ADARB2: variants seen among roughly 807,000 people sequenced by gnomAD.
ADARB2 encodes inactive double-stranded RNA-specific editase B2.
ADARB2 carries 25 observed loss-of-function variants against 62.2 expected under a neutral mutation model. The observed-to-expected ratio is 0.40, with a 90% confidence interval of 0.29 to 0.56. ADARB2 has a LOEUF of 0.56. Among genes scored for constraint, ADARB2 ranks in the 20% least tolerant of loss-of-function variants. The probability of loss-of-function intolerance (pLI) is 0.43; values close to 1 mark genes in which losing one functional copy is unlikely to be tolerated. For missense variants in ADARB2, 1,071 were observed against 1,077.4 expected, an observed-to-expected ratio of 0.99 and a Z score of 0.08; for synonymous variants, 572 against 500.8, an observed-to-expected ratio of 1.14 and a Z score of -1.90.
chr10:1,510,118 T>C (rs7095962), intron 1 of ADARB2, among the ~76,000 whole-genome samples: 3,289 of 64,742 alleles, frequency 0.051, 63 homozygotes, highest in Non-Finnish European at 0.057. Flanking sequence ...CTCTCTTTCT[T>C]TCTTTCTTTC....
Position 1,298,192 on chromosome 10 carries a change from G to A in ADARB2, c.1078-27123C>T, listed in dbSNP as rs547746945. ...AAACGGACAGAGATCTGTCATTCCG[G>A]GAGACTAAAATGTAGGGAGTAGATG... is the stretch of plus-strand genomic sequence containing the variant. On this transcript the variant is annotated intron_variant, in intron 3 of 9. Coordinates refer to ENST00000381312, the MANE Select transcript of ADARB2 (RefSeq NM_018702.4). 3.4e-4 allele frequency among the ~76,000 whole-genome samples: 51 copies of A among 152,192 alleles called. No individual in the cohort carries two copies. The East Asian group carries it at 3.7e-3, about 11-fold the overall frequency.
chr10:1,620,076 A>G (rs1246532265), intron 1 of ADARB2, among the ~76,000 whole-genome samples: 5 of 152,160 alleles, frequency 3.3e-5, no homozygotes, highest in African/African-American at 1.2e-4. Flanking sequence ...TTAAACACCT[A>G]TATCAGAAAG....
At chr10:1,202,468 C>T (rs757644499) in intron 7 of ADARB2, among the ~76,000 whole-genome samples, 10 of 152,174 alleles carry the variant, frequency 6.6e-5, no homozygotes, top group East Asian at 1.9e-4. Context: ...TGTGAGTCAC[C>T]GTGTCCGGCC....
chr10:1,549,775 C>T (rs894887823), intron 1 of ADARB2, among the ~76,000 whole-genome samples: 11 of 152,140 alleles, frequency 7.2e-5, no homozygotes, highest in Admixed American at 2.6e-4. Flanking sequence ...CGGGACAACC[C>T]GATCCCTGTT....
In ADARB2 at chr10:1,200,137, G is replaced by T. The variant is rs1271193637; in HGVS notation, c.1693C>A (p.Leu565Met). 3 of 1,550,532 alleles carry T rather than the reference G, an allele frequency of 1.9e-6. No individual in the cohort carries two copies. Among genetic ancestry groups the T allele is most frequent in the Admixed American group, 3.9e-5 (2 of 51,054 alleles). Reference protein sequence around the residue: ...CTDKIARWNVLGLQGALLSHF... With the variant: ...CTDKIARWNVMGLQGALLSHF... Reference sequence around the variant, plus strand: ...GACAGGAGCGCGCCCTGCAGCCCCAGGACGTTCCACCTGTGGGGAGAGCCA... The same window carrying T: ...GACAGGAGCGCGCCCTGCAGCCCCATGACGTTCCACCTGTGGGGAGAGCCA... The change falls in exon 8 of 10, where the codon CTG (leucine) becomes ATG (methionine). Residue 565 changes from leucine to methionine, a missense_variant. Transcript: ENST00000381312.
chr10:1,274,403 A>T (rs1392794442), intron 3 of ADARB2, among the ~76,000 whole-genome samples: 1 of 152,216 alleles, frequency 6.6e-6, no homozygotes, highest in Non-Finnish European at 1.5e-5. Context: ...GGTGCCAGGC[A>T]TCTGATTCCA....
At chr10:1,471,721 G>T (rs1831325064) in intron 1 of ADARB2, among the ~76,000 whole-genome samples, 2 of 152,204 alleles carry the variant, frequency 1.3e-5, no homozygotes, top group Non-Finnish European at 2.9e-5. Context: ...ACTTTATGTT[G>T]CTTAGTTGCT....
chr10:1,584,163 C>T (rs751345029), intron 1 of ADARB2, among the ~76,000 whole-genome samples: 8 of 152,016 alleles, frequency 5.3e-5, no homozygotes, highest in South Asian at 2.1e-4. Context: ...AACTTGTGCA[C>T]GGTAGAACCC....
At chr10:1,313,080 T>G (rs1012205974) in intron 3 of ADARB2, among the ~76,000 whole-genome samples, 1 of 152,162 alleles carries the variant, frequency 6.6e-6, no homozygotes, top group Non-Finnish European at 1.5e-5. Context: ...CGTTCATCCA[T>G]TCCTCAACAA....
rs538330074 is a variant in ADARB2, at chr10:1,531,283, T to A, written c.101-152123A>T. 8.4e-4 allele frequency among the ~76,000 whole-genome samples: 128 copies of A among 152,288 alleles called. 2 individuals are homozygous for A. In the South Asian group the frequency reaches 0.026, roughly 30 times the overall value. On this transcript the variant is annotated intron_variant, in intron 1 of 9. Transcript: ENST00000381312. ...AGGATCATTTCACAAGTCGATCCCA[T>A]CAGGACAAAGCGAGTGTGCAGGCTG...
At chr10:1,403,447 A>G (rs1375093294) in intron 1 of ADARB2, among the ~76,000 whole-genome samples, 3 of 152,146 alleles carry the variant, frequency 2.0e-5, no homozygotes, top group African/African-American at 7.2e-5. Flanking sequence ...GCTCCTTGAA[A>G]TTATATATAC....
intron 5 of ADARB2, among the ~76,000 whole-genome samples, 165 bp from the exon 6 acceptor site, chr10:1,234,010 A>C (rs1830836603): frequency 8.3e-6 from 1 of 120,848 alleles, no homozygotes; most frequent in African/African-American, 3.3e-5. Context: ...TTGTTCTGTC[A>C]CCCAGGCTGG....
At chr10:1,677,018 C>T (rs971363988) in intron 1 of ADARB2, among the ~76,000 whole-genome samples, 1 of 152,198 alleles carries the variant, frequency 6.6e-6, no homozygotes. Context: ...AAACAAGGAC[C>T]CTTCACACTT....
At chr10:1,339,550 C>T (rs1270572984) in intron 3 of ADARB2, among the ~76,000 whole-genome samples, 1 of 152,238 alleles carries the variant, frequency 6.6e-6, no homozygotes, top group Non-Finnish European at 1.5e-5. Flanking sequence ...TAAACAAAAT[C>T]AAACAACACC....
At chr10:1,307,346 C>G (rs1160106788) in intron 3 of ADARB2, among the ~76,000 whole-genome samples, 1 of 136,254 alleles carries the variant, frequency 7.3e-6, no homozygotes, top group African/African-American at 2.6e-5. Context: ...CCATCACTGG[C>G]TATCAGAGAA....
At chr10:1,653,237 C>A (rs1248295225) in intron 1 of ADARB2, among the ~76,000 whole-genome samples, 1 of 152,158 alleles carries the variant, frequency 6.6e-6, no homozygotes, top group Non-Finnish European at 1.5e-5. Context: ...AGACTGGTGC[C>A]CAGGCGCTGG....
At chr10:1,480,656 C>T (rs1831457644) in intron 1 of ADARB2, among the ~76,000 whole-genome samples, 1 of 138,824 alleles carries the variant, frequency 7.2e-6, no homozygotes, top group African/African-American at 2.6e-5. Flanking sequence ...TGAGATTGTG[C>T]CCCTGCACTC....
chr10:1,265,132 C>A (rs934935563), intron 4 of ADARB2, among the ~76,000 whole-genome samples: 1 of 152,244 alleles, frequency 6.6e-6, no homozygotes, highest in African/African-American at 2.4e-5. Context: ...CAGCTCTGCC[C>A]CGCCCTCAGG....
In ADARB2 at chr10:1,406,761, C is replaced by T. The variant is rs531179319; in HGVS notation, c.101-27601G>A. Among the ~76,000 whole-genome samples, 108 of 152,320 alleles carry T rather than the reference C, an allele frequency of 7.1e-4. No homozygotes were observed. The Middle Eastern group carries it at 0.017, about 24-fold the overall frequency. On this transcript the variant is annotated intron_variant, in intron 1 of 9. Transcript: ENST00000381312. ...CTGCCCACGGGTTCGATGACACCAA[C>T]GCCCTTTCCCCCATTGTCAACCCCC...
Sources: allele counts gnomAD v4.1 joint callset (sites outside exome capture counted in the v4.1 genomes callset), GRCh38; gene constraint gnomAD v4.1.1; transcripts MANE v1.5; gene names NCBI Gene and HGNC (gene_info 2026-07-23, HGNC 2026-07-21).